PNMA8B: variants seen among roughly 807,000 people sequenced by gnomAD.
PNMA8B encodes PNMA family member 8B, also known as paraneoplastic antigen-like protein 8B.
For missense variants in PNMA8B, 887 were observed against 885.8 expected (o/e 1.00, Z -0.02); for synonymous variants, 386 against 394.9 (o/e 0.98, Z 0.27).
chr19:46,494,029 G>A lies in PNMA8B; in HGVS notation c.1437C>T (p.Tyr479=). The change falls in exon 1 of 1, where the codon TAC becomes TAT. Residue 479 remains tyrosine (Y), a synonymous_variant. Transcript: ENST00000599531. ...ATACCTCCCCCAGTTTGCCTTTGGG[G>A]TATTTGTACTTCCCGCCTTCCCAGG... ...ENAWEGGKYK[Y]PKGKLGEVLA... 6.2e-7 allele frequency: 1 copy of A among 1,613,574 alleles called. No individual in the cohort carries two copies. Among genetic ancestry groups the A allele is most frequent in the East Asian group, 2.2e-5 (1 of 44,864 alleles).
chr19:46,493,594 G>A lies in PNMA8B; in HGVS notation c.1872C>T (p.Ala624=), dbSNP rs1211883619. The A allele has an allele frequency of 4.0e-6, 6 of 1,484,284 alleles. No individual in the cohort carries two copies. Among genetic ancestry groups the A allele is most frequent in the Middle Eastern group, 2.4e-4 (1 of 4,128 alleles). 91.9% of individuals were successfully genotyped at this position (1,484,284 alleles called of 1,614,324 possible). ...TGSKAARGKK[A]RRGRRLPPKC... ...TAGGGGGCAGCCTCCGGCCCCGACG[G>A]GCCTTCTTCCCGCGCGCGGCCTTGG... The change falls in exon 1 of 1, where the codon GCC becomes GCT. Residue 624 remains alanine (A), a synonymous_variant. Transcript: ENST00000599531. This position sits in a 1 kb window ranked among gnomAD's most constrained non-coding sequence, Gnocchi z 5.3.
chr19:46,494,569 TCTCA>T lies in PNMA8B; in HGVS notation c.893_896del (p.Val298GlufsTer53). On this transcript the variant is annotated frameshift_variant, in exon 1 of 1. Coordinates refer to ENST00000599531, the MANE Select transcript of PNMA8B (RefSeq NM_020709.3). LOFTEE classifies it low-confidence loss of function (END_TRUNC). ...CCACCGGCTCCTCGTCCGGGGTGTC[TCTCA>T]CAGCCAGCAGGGCCACTAAGTCGGG... 6.2e-7 allele frequency: 1 copy of T among 1,614,066 alleles called. No homozygotes were observed.
In PNMA8B at chr19:46,494,587, C is replaced by A. The variant is rs1970062166; in HGVS notation, c.879G>T (p.Val293=). 6.2e-7 allele frequency: 1 copy of A among 1,614,060 alleles called. No individual in the cohort carries two copies. ...GGGTGTCTCTCACAGCCAGCAGGGC[C>A]ACTAAGTCGGGGACACCATTTTTGT... ...KEDKNGVPDL[V]ALLAVRDTPD... is the part of the protein sequence containing the mutation. Residue 293 remains valine, a synonymous_variant, in exon 1 of 1, where the codon GTG becomes GTT. Coordinates refer to ENST00000599531, the MANE Select transcript of PNMA8B (RefSeq NM_020709.3).
rs1568617878 is a variant in PNMA8B at position 46,494,854 on chromosome 19, G to A, written c.612C>T (p.Ile204=). Residue 204 remains isoleucine (I), a synonymous_variant, in exon 1 of 1, where the codon ATC becomes ATT. Coordinates refer to ENST00000599531, the MANE Select transcript of PNMA8B (RefSeq NM_020709.3). ...AEDSSDESLG[I]VIEEIDQGDL... The stretch of plus-strand genomic sequence containing the variant: ...CGCCCTGGTCGATCTCCTCGATCAC[G>A]ATGCCCAGGCTCTCGTCGGAAGAGT... 9 of 1,613,090 alleles carry A rather than the reference G, an allele frequency of 5.6e-6. No homozygotes were observed. The East Asian group carries it at 1.6e-4, about 28-fold the overall frequency.
chr19:46,494,254 C>T lies in PNMA8B; in HGVS notation c.1212G>A (p.Lys404=), dbSNP rs748105298. The part of the protein sequence containing the change: ...GREVDAVVLR[K]AGDDGDLREC... ...CCCGGAGGTCCCCGTCATCCCCGGCCTTGCGCAGGACCACGGCGTCCACCT... is the reference window on the plus strand; with the variant it reads ...CCCGGAGGTCCCCGTCATCCCCGGCTTTGCGCAGGACCACGGCGTCCACCT... The change falls in exon 1 of 1, where the codon AAG becomes AAA. Residue 404 remains lysine (K), a synonymous_variant. Coordinates refer to ENST00000599531, the MANE Select transcript of PNMA8B (RefSeq NM_020709.3). 6.2e-6 allele frequency: 10 copies of T among 1,609,922 alleles called. No individual in the cohort carries two copies. The highest frequency in any genetic ancestry group is 7.6e-6 in the Non-Finnish European group (9 of 1,179,634).
At position 46,494,707 on chromosome 19, in the gene PNMA8B, G is replaced by T; in HGVS notation, c.759C>A (p.Phe253Leu). 6.2e-7 allele frequency: 1 copy of T among 1,614,050 alleles called. No homozygotes were observed. The highest frequency in any genetic ancestry group is 1.6e-4 in the Middle Eastern group (1 of 6,062). Residue 253 changes from phenylalanine to leucine, a missense_variant, in exon 1 of 1, where the codon TTC becomes TTA. Coordinates refer to ENST00000599531, the MANE Select transcript of PNMA8B (RefSeq NM_020709.3). The part of the protein sequence containing the change: ...SEGEEDGPRE[F>L]LALVTVTDKS... ...TGTCGGTGACGGTGACCAGAGCCAAGAACTCGCGGGGACCGTCTTCTTCCC... is the reference window on the plus strand; with the variant it reads ...TGTCGGTGACGGTGACCAGAGCCAATAACTCGCGGGGACCGTCTTCTTCCC...
rs2147487202 is a variant in PNMA8B at position 46,495,165 on chromosome 19, TC to T, written c.300del (p.Arg101GlyfsTer3). 1 of 1,613,896 alleles carries T rather than the reference TC, an allele frequency of 6.2e-7. No homozygotes were observed. Among genetic ancestry groups the T allele is most frequent in the Non-Finnish European group, 8.5e-7 (1 of 1,179,816 alleles). On this transcript the variant is annotated frameshift_variant, in exon 1 of 1. Coordinates refer to ENST00000599531, the MANE Select transcript of PNMA8B (RefSeq NM_020709.3). LOFTEE classifies it low-confidence loss of function (END_TRUNC). The stretch of plus-strand genomic sequence containing the variant: ...AGGCGTCTCATCTGCCTCAGGACCC[TC>T]GTGTCCTGCGCACGGTCCTTCCACA... ...RVLWKDRAQDTRVLRQMRRLL... is the reference protein window; with the variant it reads ...RVLWKDRAQDXRVLRQMRRLL...
rs772922156 is a variant in PNMA8B at position 46,494,141 on chromosome 19, C to G, written c.1325G>C (p.Arg442Pro). 1.2e-6 allele frequency: 2 copies of G among 1,610,990 alleles called. No individual in the cohort carries two copies. Among genetic ancestry groups the G allele is most frequent in the African/African-American group, 1.3e-5 (1 of 74,958 alleles). The change falls in exon 1 of 1, where the codon CGT (arginine) becomes CCT (proline). Residue 442 changes from arginine to proline, a missense_variant. Arg to Pro is a moderately radical substitution (Grantham distance 103, BLOSUM62 -2). Transcript: ENST00000599531. ...RGLFGGWSEHREDEGGLLELV... is the reference protein window; with the variant it reads ...RGLFGGWSEHPEDEGGLLELV... Reference sequence around the variant, plus strand: ...CTCCAGAAGACCCCCTTCGTCCTCACGGTGCTCGCTCCAGCCCCCGAAGAG... The same window carrying G: ...CTCCAGAAGACCCCCTTCGTCCTCAGGGTGCTCGCTCCAGCCCCCGAAGAG...
At position 46,494,947 on chromosome 19, in the gene PNMA8B, C is replaced by T; in HGVS notation, c.519G>A (p.Leu173=). ...GRRNRTRRNR[L]TQKGKKRSRG... ...GGCTTCTCTTCTTGCCCTTCTGGGT[C>T]AACCTGTTGCGTCTGGTTCTGTTTC... Residue 173 remains leucine, a synonymous_variant, in exon 1 of 1, where the codon TTG becomes TTA. Transcript: ENST00000599531. 2.5e-6 allele frequency: 4 copies of T among 1,609,976 alleles called. No homozygotes were observed. Among genetic ancestry groups the T allele is most frequent in the Non-Finnish European group, 3.4e-6 (4 of 1,179,836 alleles).
In PNMA8B at chr19:46,493,759, C is replaced by CGGCCT. The variant is rs1568616901; in HGVS notation, c.1706_1707insAGGCC (p.Val571ArgfsTer253). The CGGCCT allele has an allele frequency of 7.8e-6, 11 of 1,408,420 alleles. No individual in the cohort carries two copies. Among genetic ancestry groups the CGGCCT allele is most frequent in the Non-Finnish European group, 9.2e-6 (10 of 1,085,696 alleles). The allele number at this position is 1,408,420 out of a possible 1,614,324, so 87.2% of individuals were successfully genotyped here. On this transcript the variant is annotated frameshift_variant, in exon 1 of 1. Coordinates refer to ENST00000599531, the MANE Select transcript of PNMA8B (RefSeq NM_020709.3). LOFTEE classifies it low-confidence loss of function (END_TRUNC). This position sits in a 1 kb window ranked among gnomAD's most constrained non-coding sequence, Gnocchi z 5.3. Reference sequence around the variant, plus strand: ...CGGCTTTCTTCTCGGGAGTGACGCCCCGGCCTCGGCCTCGGCCGCCCGCGC... The same window carrying CGGCCT: ...CGGCTTTCTTCTCGGGAGTGACGCCCGGCCTCGGCCTCGGCCTCGGCCGCCCGCGC...
Position 46,493,310 on chromosome 19 carries a change from GCTGC to G in PNMA8B, c.*244_*247del. On this transcript the variant is annotated 3_prime_UTR_variant, in exon 1 of 1. Transcript: ENST00000599531. The surrounding 1 kb of genome is among the most constrained non-coding windows in gnomAD (Gnocchi z 5.3). ...CGCGTCCCCATCTCGGCCCTGCGCTGCTGCCTCGGGCGCCCACTTCTCTTTCCTC... is the reference window on the plus strand; with the variant it reads ...CGCGTCCCCATCTCGGCCCTGCGCTGCTCGGGCGCCCACTTCTCTTTCCTC... 1 of 382,846 alleles carries G rather than the reference GCTGC, an allele frequency of 2.6e-6. No homozygotes were observed. Among genetic ancestry groups the G allele is most frequent in the Non-Finnish European group, 4.6e-6 (1 of 216,572 alleles). 23.7% of individuals were successfully genotyped at this position (382,846 alleles called of 1,614,324 possible).
chr19:46,493,801 G>T lies in PNMA8B; in HGVS notation c.1665C>A (p.Ser555=). The T allele has an allele frequency of 7.5e-7, 1 of 1,335,076 alleles. No homozygotes were observed. Among genetic ancestry groups the T allele is most frequent in the Non-Finnish European group, 9.5e-7 (1 of 1,049,074 alleles). 82.7% of individuals were successfully genotyped at this position (1,335,076 alleles called of 1,614,324 possible). A position where few individuals can be genotyped will look rare whatever the true frequency, so the allele number is the denominator to read the frequency against. Residue 555 remains serine, a synonymous_variant, in exon 1 of 1, where the codon TCC becomes TCA. Coordinates refer to ENST00000599531, the MANE Select transcript of PNMA8B (RefSeq NM_020709.3). This position sits in a 1 kb window ranked among gnomAD's most constrained non-coding sequence, Gnocchi z 5.3. ...LTPAGAPPTA[S]GARKTRAGGR... is the part of the protein sequence containing the mutation. ...CGCCCGCGCGGGTTTTGCGGGCCCC[G>T]GAAGCGGTGGGAGGCGCGCCGGCCG...
rs1233886054 is a variant in PNMA8B at position 46,494,341 on chromosome 19, G to C, written c.1125C>G (p.Val375=). ...EKDKRDPLRQ[V]LSVMSKDTNG... ...TAGTGTCCTTGGACATGACGGACAAGACCTGTCGGAGGGGGTCTCGCTTGT... is the reference window on the plus strand; with the variant it reads ...TAGTGTCCTTGGACATGACGGACAACACCTGTCGGAGGGGGTCTCGCTTGT... Residue 375 remains valine (V), a synonymous_variant, in exon 1 of 1, where the codon GTC becomes GTG. Coordinates refer to ENST00000599531, the MANE Select transcript of PNMA8B (RefSeq NM_020709.3). 6.8e-6 allele frequency: 11 copies of C among 1,613,092 alleles called. No homozygotes were observed. Among genetic ancestry groups the C allele is most frequent in the East Asian group, 2.2e-5 (1 of 44,882 alleles).
chr19:46,495,627 G>A lies in PNMA8B; in HGVS notation c.-162C>T. 2.3e-6 allele frequency: 2 copies of A among 872,736 alleles called. No homozygotes were observed. The highest frequency in any genetic ancestry group is 3.5e-6 in the Non-Finnish European group (2 of 579,458). 54.1% of individuals were successfully genotyped at this position (872,736 alleles called of 1,614,324 possible). ...CTGGAGTGGGGCTCGGGGCTCGGGG[G>A]CTCTAGCTGCCTGCTGGCCGGCTGG... On this transcript the variant is annotated 5_prime_UTR_variant, in exon 1 of 1. Transcript: ENST00000599531.
In PNMA8B at chr19:46,494,299, C is replaced by A; in HGVS notation, c.1167G>T (p.Lys389Asn). The change falls in exon 1 of 1, where the codon AAG becomes AAT. Residue 389 changes from lysine to asparagine, a missense_variant. Coordinates refer to ENST00000599531, the MANE Select transcript of PNMA8B (RefSeq NM_020709.3). ...MSKDTNGTRV[K>N]VEEAGREVDA... is the part of the protein sequence containing the mutation. ...CCACCTCGCGGCCCGCCTCTTCCACCTTCACGCGGGTCCCGTTAGTGTCCT... is the reference window on the plus strand; with the variant it reads ...CCACCTCGCGGCCCGCCTCTTCCACATTCACGCGGGTCCCGTTAGTGTCCT... 6.2e-7 allele frequency: 1 copy of A among 1,612,486 alleles called. No individual in the cohort carries two copies. The highest frequency in any genetic ancestry group is 8.5e-7 in the Non-Finnish European group (1 of 1,179,698).
At position 46,494,655 on chromosome 19, in the gene PNMA8B, CCTT is replaced by C; in HGVS notation, c.808_810del (p.Lys270del). Reference sequence around the variant, plus strand: ...CGGATGGATTCGGCCCCAGCTGGCTCCTTCTCTGCCTCTTCTTTCTTCGATTTG... The same window carrying C: ...CGGATGGATTCGGCCCCAGCTGGCTCCTCTGCCTCTTCTTTCTTCGATTTG... On this transcript the variant is annotated inframe_deletion, in exon 1 of 1. Transcript: ENST00000599531. 2 of 1,614,066 alleles carry C rather than the reference CCTT, an allele frequency of 1.2e-6. No homozygotes were observed. The highest frequency in any genetic ancestry group is 2.7e-5 in the African/African-American group (2 of 75,070).
Position 46,494,329 on chromosome 19 carries a change from C to T in PNMA8B, c.1137G>A (p.Met379Ile). 6.2e-7 allele frequency: 1 copy of T among 1,613,212 alleles called. No individual in the cohort carries two copies. Among genetic ancestry groups the T allele is most frequent in the Non-Finnish European group, 8.5e-7 (1 of 1,179,892 alleles). ...RDPLRQVLSVMSKDTNGTRVK... is the reference protein window; with the variant it reads ...RDPLRQVLSVISKDTNGTRVK... Reference sequence around the variant, plus strand: ...CGCGGGTCCCGTTAGTGTCCTTGGACATGACGGACAAGACCTGTCGGAGGG... The same window carrying T: ...CGCGGGTCCCGTTAGTGTCCTTGGATATGACGGACAAGACCTGTCGGAGGG... Residue 379 changes from methionine to isoleucine, a missense_variant, in exon 1 of 1, where the codon ATG (methionine) becomes ATA (isoleucine). By Grantham distance (10) the Met-to-Ile change is conservative. Coordinates refer to ENST00000599531, the MANE Select transcript of PNMA8B (RefSeq NM_020709.3).
chr19:46,494,950 C>T lies in PNMA8B; in HGVS notation c.516G>A (p.Arg172=), dbSNP rs894866558. Residue 172 remains arginine, a synonymous_variant, in exon 1 of 1, where the codon AGG becomes AGA. Transcript: ENST00000599531. ...TTCTCTTCTTGCCCTTCTGGGTCAA[C>T]CTGTTGCGTCTGGTTCTGTTTCTGC... ...RGRRNRTRRN[R]LTQKGKKRSR... is the part of the protein sequence containing the mutation. 1 of 1,609,908 alleles carries T rather than the reference C, an allele frequency of 6.2e-7. No homozygotes were observed. Among genetic ancestry groups the T allele is most frequent in the South Asian group, 1.1e-5 (1 of 91,082 alleles).
rs530892176 is a variant in PNMA8B at position 46,493,485 on chromosome 19, G to A, written c.*73C>T. 1.1e-4 allele frequency: 108 copies of A among 946,056 alleles called. No individual in the cohort carries two copies. In the South Asian group the frequency reaches 1.9e-3, roughly 17 times the overall value. The allele number at this position is 946,056 out of a possible 1,614,324, so 58.6% of individuals were successfully genotyped here. A position where few individuals can be genotyped will look rare whatever the true frequency, so the allele number is the denominator to read the frequency against. On this transcript the variant is annotated 3_prime_UTR_variant, in exon 1 of 1. Coordinates refer to ENST00000599531, the MANE Select transcript of PNMA8B (RefSeq NM_020709.3). The surrounding 1 kb of genome is among the most constrained non-coding windows in gnomAD (Gnocchi z 5.3). ...TGCGGAGGACAGGAAGAGGGGAGGG[G>A]AGGGCGGGGGCCACAGGCGGGCGGG...
Sources: allele counts gnomAD v4.1 joint callset, GRCh38; gene constraint gnomAD v4.1.1; non-coding constraint Gnocchi (gnomAD v3.1); transcripts MANE v1.5; gene names NCBI Gene and HGNC (gene_info 2026-07-23, HGNC 2026-07-21).